The following PRSS38 variants were observed in gnomAD, a reference collection of about 807,000 sequenced individuals.
PRSS38 encodes the protein marapsin 2.
PRSS38 carries 22 observed loss-of-function variants against 26.8 expected under a neutral mutation model. The observed-to-expected ratio is 0.82, with a 90% CI of 0.59 to 1.17. The LOEUF is 1.17. PRSS38 is among the 50% of genes most tolerant of loss of function. The pLI is 0.00. For missense variants in PRSS38, 427 were observed against 422.7 expected, an observed-to-expected ratio of 1.01 and a Z score of -0.09; for synonymous variants, 175 against 172.1, an observed-to-expected ratio of 1.02 and a Z score of -0.13.
At chr1:227,845,486 G>C (rs1313594834) in exon 4 of PRSS38, 2 of 1,611,462 alleles carry the variant, frequency 1.2e-6, no homozygotes, top group Admixed American at 1.7e-5. Flanking sequence ...CCTCAGACGA[G>C]CTGCAGGAGA....
intron 3 of PRSS38, among the ~76,000 whole-genome samples, chr1:227,821,540 C>T (rs1665003401): frequency 6.6e-6 from 1 of 152,174 alleles, no homozygotes; most frequent in African/African-American, 2.4e-5. Context: ...TGCAGACTTC[C>T]ATGGCTCTTG....
At chr1:227,817,607 A>G in intron 3 of PRSS38, 127 bp downstream of exon 3, 2 of 921,842 alleles carry the variant, frequency 2.2e-6, no homozygotes, top group South Asian at 3.4e-5. Context: ...GTCAATCAAC[A>G]TTTATTTGTT....
At chr1:227,835,307 C>A (rs1354180338) in intron 3 of PRSS38, among the ~76,000 whole-genome samples, 3 of 152,194 alleles carry the variant, frequency 2.0e-5, no homozygotes, top group Non-Finnish European at 4.4e-5. Context: ...CACTGCTCAT[C>A]TTTAATCCCG....
chr1:227,833,471 G>T (rs1391360266), intron 3 of PRSS38, among the ~76,000 whole-genome samples: 1 of 151,954 alleles, frequency 6.6e-6, no homozygotes, highest in Non-Finnish European at 1.5e-5. Flanking sequence ...AGGTTGCAGT[G>T]AGCCAAGATC....
rs200097361 is a variant in PRSS38, at chr1:227,817,396, C to T, written c.499C>T (p.Leu167Phe). 79 of 1,614,064 alleles carry T rather than the reference C, an allele frequency of 4.9e-5. No individual in the cohort carries two copies. The highest frequency in any genetic ancestry group is 6.4e-5 in the Non-Finnish European group (75 of 1,180,038). Reference sequence around the variant, plus strand: ...CCGCATTGTGTTTTCTGAGTCCGTGCTCCCGGTTTGCCTTGCAACTCCAGA... The same window carrying T: ...CCGCATTGTGTTTTCTGAGTCCGTGTTCCCGGTTTGCCTTGCAACTCCAGA... Residue 167 changes from leucine to phenylalanine, a missense_variant, in exon 3 of 5, where the codon CTC (leucine) becomes TTC (phenylalanine). Physicochemically the swap from Leu to Phe is conservative, Grantham distance 22 (BLOSUM62 0). Transcript: ENST00000366757.
chr1:227,820,089 CAAAAAAAAA>C (rs61564441), intron 3 of PRSS38, among the ~76,000 whole-genome samples: 5 of 42,820 alleles, frequency 1.2e-4, no homozygotes, highest in African/African-American at 3.6e-4. Context: ...AACTCCATCT[CAAAAAAAAA>C]AAAAAAAAAA....
intron 3 of PRSS38, among the ~76,000 whole-genome samples, chr1:227,839,357 C>G (rs1318605632): frequency 6.6e-6 from 1 of 151,974 alleles, no homozygotes; most frequent in African/African-American, 2.4e-5. Flanking sequence ...GTAGTCCCAG[C>G]TACTTGGGAG....
intron 3 of PRSS38, among the ~76,000 whole-genome samples, chr1:227,824,658 A>G (rs1665046371): frequency 6.6e-6 from 1 of 152,132 alleles, no homozygotes; most frequent in Admixed American, 6.5e-5. Flanking sequence ...GTCTTCTGCA[A>G]TGGTTGAACT....
intron 3 of PRSS38, among the ~76,000 whole-genome samples, chr1:227,833,009 A>G (rs1665178899): frequency 6.6e-6 from 1 of 152,246 alleles, no homozygotes; most frequent in South Asian, 2.1e-4. Flanking sequence ...TGAAAACTAT[A>G]GAATGTTACA....
chr1:227,844,312 A>G (rs9426580), intron 3 of PRSS38, among the ~76,000 whole-genome samples: 135,072 of 152,042 alleles, frequency 0.89, 60,067 homozygotes, highest in East Asian at 0.94. Flanking sequence ...TCCCTGTCTG[A>G]TCAAGGCTTC....
intron 3 of PRSS38, among the ~76,000 whole-genome samples, chr1:227,827,722 G>T (rs1377114346): frequency 1.3e-5 from 2 of 150,208 alleles, no homozygotes; most frequent in African/African-American, 4.9e-5. Flanking sequence ...GTTATTTCTT[G>T]TCTTCTGCTA....
chr1:227,830,750 C>A (rs1024240508), intron 3 of PRSS38, among the ~76,000 whole-genome samples: 2 of 151,820 alleles, frequency 1.3e-5, no homozygotes, highest in African/African-American at 4.8e-5. Flanking sequence ...GGTGATCTGC[C>A]CACCTCGGCC....
chr1:227,817,292 T>C, exon 3 of PRSS38: 1 of 1,614,008 alleles, frequency 6.2e-7, no homozygotes, highest in Non-Finnish European at 8.5e-7. Flanking sequence ...TGGTATGAGG[T>C]GAACAGGGTG....
intron 3 of PRSS38, among the ~76,000 whole-genome samples, chr1:227,821,180 C>T (rs12134572): frequency 1.3e-5 from 2 of 151,972 alleles, no homozygotes; most frequent in African/African-American, 2.4e-5. Context: ...AGGATAATGG[C>T]TTCCAACTCC....
intron 3 of PRSS38, among the ~76,000 whole-genome samples, chr1:227,821,226 T>A (rs986495844): frequency 1.3e-5 from 2 of 152,178 alleles, no homozygotes; most frequent in Non-Finnish European, 2.9e-5. Context: ...TCTCATTTTT[T>A]TTTTTGCACA....
At chr1:227,821,634 C>G (rs886471942) in intron 3 of PRSS38, among the ~76,000 whole-genome samples, 3 of 152,042 alleles carry the variant, frequency 2.0e-5, no homozygotes, top group Admixed American at 6.6e-5. Flanking sequence ...AAGGTTTTTT[C>G]TTTTAGCACT....
chr1:227,845,444 C>A, intron 3 of PRSS38, 26 bp from the exon 4 acceptor site: 1 of 1,591,356 alleles, frequency 6.3e-7, no homozygotes, highest in East Asian at 2.2e-5. Flanking sequence ...AGGTGCTGCC[C>A]CCTCACGGGA....
intron 3 of PRSS38, 42 bp from the exon 4 acceptor site, chr1:227,845,428 C>A (rs371339863): frequency 6.5e-6 from 10 of 1,539,302 alleles, no homozygotes; most frequent in Non-Finnish European, 8.8e-6. Flanking sequence ...CCACCCCACA[C>A]GAAGCAGGTG....
chr1:227,824,671 T>C (rs1017918646), intron 3 of PRSS38, among the ~76,000 whole-genome samples: 1 of 152,206 alleles, frequency 6.6e-6, no homozygotes, highest in African/African-American at 2.4e-5. Flanking sequence ...GTTGAACTAA[T>C]TTACACTCCC....
Sources: allele counts gnomAD v4.1 joint callset (sites outside exome capture counted in the v4.1 genomes callset), GRCh38; gene constraint gnomAD v4.1.1; transcripts MANE v1.5; gene names NCBI Gene and HGNC (gene_info 2026-07-23, HGNC 2026-07-21).